The following ASAP1 variants were observed in gnomAD, a reference collection of about 807,000 sequenced individuals.
ASAP1 encodes the protein ArfGAP with SH3 domain, ankyrin repeat and PH domain 1.
In ASAP1, 43 loss-of-function variants were observed where a neutral mutation model predicts 145.2. The ratio of observed to expected loss-of-function variants is 0.30; its 90% CI spans 0.23 to 0.38. ASAP1 has a LOEUF of 0.38. Ranked by LOEUF, ASAP1 falls within the 10% of genes least tolerant of loss-of-function variation. The pLI is 1.00. For synonymous variants in ASAP1, 546 were observed against 515.5 expected (o/e 1.06, Z -0.80); for missense variants, 1,018 against 1,355.3 (o/e 0.75, Z 3.91).
At chr8:130,142,993 T>C (rs1454960993) in intron 13 of ASAP1, among the ~76,000 whole-genome samples, 2 of 152,172 alleles carry the variant, frequency 1.3e-5, no homozygotes, top group Non-Finnish European at 2.9e-5. Context: ...GTAGTGGTGC[T>C]GGTGGCCAGA....
chr8:130,176,276 A>T (rs895115347), intron 9 of ASAP1, among the ~76,000 whole-genome samples: 1 of 152,212 alleles, frequency 6.6e-6, no homozygotes, highest in Non-Finnish European at 1.5e-5. Flanking sequence ...TAAATCTTAA[A>T]AACAAAACAA....
intron 2 of ASAP1, among the ~76,000 whole-genome samples, chr8:130,369,684 C>T (rs1020863546): frequency 7.9e-5 from 12 of 152,044 alleles, no homozygotes; most frequent in African/African-American, 2.9e-4. Flanking sequence ...CACTTTGCAC[C>T]CACTAGGATG....
chr8:130,253,000 G>C (rs1464357812), intron 3 of ASAP1, among the ~76,000 whole-genome samples: 3 of 152,154 alleles, frequency 2.0e-5, no homozygotes, highest in Non-Finnish European at 4.4e-5. Context: ...CCAGTTCTAA[G>C]ATCCTATAAT....
intron 23 of ASAP1, among the ~76,000 whole-genome samples, chr8:130,112,680 T>C (rs1319305257): frequency 6.6e-6 from 1 of 152,250 alleles, no homozygotes; most frequent in Admixed American, 6.5e-5. Flanking sequence ...TATTTCTAAT[T>C]TGCTACATTA....
chr8:130,239,591 T>C (rs1040379159), intron 3 of ASAP1, among the ~76,000 whole-genome samples: 1 of 152,082 alleles, frequency 6.6e-6, no homozygotes, highest in Non-Finnish European at 1.5e-5. Flanking sequence ...ATATACCAGT[T>C]TTGAGATAAA....
At chr8:130,258,019 T>C (rs1819672895) in intron 3 of ASAP1, among the ~76,000 whole-genome samples, 1 of 152,170 alleles carries the variant, frequency 6.6e-6, no homozygotes, top group South Asian at 2.1e-4. Flanking sequence ...ACTTGGGATA[T>C]TTAAAATAAA....
intron 3 of ASAP1, among the ~76,000 whole-genome samples, chr8:130,332,289 G>A (rs535050629): frequency 1.3e-5 from 2 of 152,300 alleles, no homozygotes; most frequent in South Asian, 4.1e-4. Context: ...ATGGCAGGGA[G>A]TATAATGAAA....
chr8:130,152,751 G>A lies in ASAP1; in HGVS notation c.1065C>T (p.Thr355=), dbSNP rs1026857008. The A allele has an allele frequency of 1.2e-6, 2 of 1,610,580 alleles. No homozygotes were observed. Among genetic ancestry groups the A allele is most frequent in the Non-Finnish European group, 8.5e-7 (1 of 1,177,692 alleles). Residue 355 remains threonine, a synonymous_variant, in exon 13 of 30, where the codon ACC becomes ACT. Transcript: ENST00000518721. ...RKCSVKNGIL[T]ISHATSNRQP... ...ACATACTTACTGTGGCATGTGAGAT[G>A]GTCAGAATCCCATTCTTGACTGAAC...
intron 28 of ASAP1, among the ~76,000 whole-genome samples, chr8:130,058,309 T>C (rs888609749): frequency 6.6e-5 from 10 of 152,166 alleles, no homozygotes; most frequent in South Asian, 2.1e-4. Context: ...GCATTGGTGA[T>C]TGGGCATCAT....
intron 25 of ASAP1, among the ~76,000 whole-genome samples, chr8:130,080,481 T>G (rs1474509412): frequency 6.8e-6 from 1 of 147,428 alleles, no homozygotes; most frequent in Non-Finnish European, 1.5e-5. Flanking sequence ...TCTCTCTCTT[T>G]TTTTTTTTTT....
intron 3 of ASAP1, among the ~76,000 whole-genome samples, chr8:130,300,160 A>ACAC (rs1822561936): frequency 1.0e-5 from 1 of 98,398 alleles, no homozygotes; most frequent in Non-Finnish European, 2.1e-5. Context: ...ACACAGAGAG[A>ACAC]GAGAGAGAGA....
intron 3 of ASAP1, among the ~76,000 whole-genome samples, chr8:130,278,621 A>C (rs962803334): frequency 6.6e-6 from 1 of 152,170 alleles, no homozygotes; most frequent in African/African-American, 2.4e-5. Context: ...TAAGAGTGCA[A>C]ATATTGGACT....
chr8:130,130,061 G>T (rs1046900554), intron 15 of ASAP1, among the ~76,000 whole-genome samples: 11 of 152,172 alleles, frequency 7.2e-5, no homozygotes, highest in Admixed American at 5.2e-4. Flanking sequence ...GCTTTCCTCA[G>T]GCATTCTAGC....
chr8:130,100,200 A>G (rs185098734), intron 24 of ASAP1, among the ~76,000 whole-genome samples: 2 of 152,288 alleles, frequency 1.3e-5, no homozygotes, highest in Admixed American at 1.3e-4. Flanking sequence ...TTTTGATGAT[A>G]GCCATTTTAA....
Position 130,240,628 on chromosome 8 carries a change from G to A in ASAP1, c.187-3634C>T, listed in dbSNP as rs1818466376. ...AACGTGTGCGGGCATTTCTAAGTAT[G>A]TATCCGCAGTTGGACAACTCAAAAG... On this transcript the variant is annotated intron_variant, in intron 3 of 29. Coordinates refer to ENST00000518721, the MANE Select transcript of ASAP1 (RefSeq NM_018482.4). Among the ~76,000 whole-genome samples, 4 of 152,136 alleles carry A rather than the reference G, an allele frequency of 2.6e-5. 1 individual carries two copies. In the South Asian group the frequency reaches 8.3e-4, roughly 31 times the overall value.
chr8:130,148,434 C>T (rs945438124), intron 13 of ASAP1, among the ~76,000 whole-genome samples: 2 of 152,190 alleles, frequency 1.3e-5, no homozygotes, highest in Admixed American at 6.5e-5. Flanking sequence ...GAGTAAGATG[C>T]GGTCCCTACC....
At chr8:130,305,297 C>T (rs1822924500) in intron 3 of ASAP1, among the ~76,000 whole-genome samples, 1 of 152,178 alleles carries the variant, frequency 6.6e-6, no homozygotes, top group Admixed American at 6.5e-5. Context: ...TTGTTCTATC[C>T]ATAGTGCTTA....
At chr8:130,110,148 A>G (rs1006367134) in intron 24 of ASAP1, among the ~76,000 whole-genome samples, 1 of 152,208 alleles carries the variant, frequency 6.6e-6, no homozygotes, top group Admixed American at 6.5e-5. Flanking sequence ...AAAGTCAGAC[A>G]GTATATATTA....
At chr8:130,368,592 G>A (rs1437774693) in intron 2 of ASAP1, among the ~76,000 whole-genome samples, 1 of 152,216 alleles carries the variant, frequency 6.6e-6, no homozygotes, top group Non-Finnish European at 1.5e-5. Flanking sequence ...TACTAGAACA[G>A]GCATTTAACT....
Sources: allele counts gnomAD v4.1 joint callset (sites outside exome capture counted in the v4.1 genomes callset), GRCh38; gene constraint gnomAD v4.1.1; transcripts MANE v1.5; gene names NCBI Gene and HGNC (gene_info 2026-07-23, HGNC 2026-07-21).